The following DYM variants were observed in gnomAD, a reference collection of about 807,000 sequenced individuals.
DYM encodes dyggve-Melchior-Clausen syndrome protein.
DYM carries 78 observed loss-of-function variants against 93.1 expected under a neutral mutation model. The observed-to-expected ratio is 0.84, with a 90% CI of 0.70 to 1.01. The LOEUF (loss-of-function observed/expected upper bound fraction) is 1.01. DYM is among the 50% of genes least tolerant of loss of function. The pLI, the probability that DYM is intolerant of heterozygous loss-of-function variation, is 0.00. For synonymous variants in DYM, 321 were observed against 319.7 expected (o/e 1.00, Z -0.04); for missense variants, 789 against 845.0 (o/e 0.93, Z 0.82).
intron 2 of DYM, among the ~76,000 whole-genome samples, chr18:49,426,924 T>G (rs1224255427): frequency 2.6e-5 from 4 of 152,170 alleles, no homozygotes; most frequent in Non-Finnish European, 5.9e-5. Flanking sequence ...GTGCTTACCT[T>G]TAATTAGTAA....
intron 6 of DYM, among the ~76,000 whole-genome samples, chr18:49,355,190 AGATACAATT>A: frequency 6.6e-6 from 1 of 152,040 alleles, no homozygotes; most frequent in East Asian, 1.9e-4. Context: ...ATACATTGAT[AGATACAATT>A]GATACACTGA....
chr18:49,397,509 T>C (rs1457811404), intron 2 of DYM, among the ~76,000 whole-genome samples: 1 of 152,242 alleles, frequency 6.6e-6, no homozygotes, highest in African/African-American at 2.4e-5. Context: ...AAATTATGTT[T>C]TCTTTTTTAC....
intron 3 of DYM, among the ~76,000 whole-genome samples, chr18:49,390,308 TAGCCCCAGCTTCTGAGG>T (rs1217964240): frequency 2.0e-5 from 3 of 152,086 alleles, no homozygotes; most frequent in Non-Finnish European, 4.4e-5. Context: ...CATGCACCTA[TAGCCCCAGCTTCTGAGG>T]AGGCTGAGGT....
At chr18:49,344,643 A>G (rs1007415326) in intron 6 of DYM, among the ~76,000 whole-genome samples, 1 of 152,150 alleles carries the variant, frequency 6.6e-6, no homozygotes, top group South Asian at 2.1e-4. Context: ...ATAGGACTTC[A>G]TTAGTAACAT....
chr18:49,403,883 T>C (rs1322734120), intron 2 of DYM, among the ~76,000 whole-genome samples: 2 of 152,256 alleles, frequency 1.3e-5, no homozygotes, highest in African/African-American at 2.4e-5. Flanking sequence ...TAACGGCCTC[T>C]AGCTGCATCC....
chr18:49,380,790 A>G (rs1374539290), intron 3 of DYM, among the ~76,000 whole-genome samples: 2 of 152,238 alleles, frequency 1.3e-5, no homozygotes, highest in Non-Finnish European at 2.9e-5. Flanking sequence ...GCTTAAAGTC[A>G]ACAATATGTT....
intron 17 of DYM, among the ~76,000 whole-genome samples, chr18:49,080,023 T>C (rs1484250475): frequency 1.2e-4 from 16 of 137,200 alleles, no homozygotes; most frequent in African/African-American, 4.1e-4. Context: ...GGCGGCTGGC[T>C]GGGCAGAGGG....
intron 10 of DYM, among the ~76,000 whole-genome samples, chr18:49,280,931 CA>C (rs1166221804): frequency 1.3e-5 from 2 of 152,160 alleles, no homozygotes; most frequent in Non-Finnish European, 2.9e-5. Context: ...GCAATGGCAA[CA>C]AAAGCCAAAA....
chr18:49,322,505 A>C (rs1254326240), intron 8 of DYM, among the ~76,000 whole-genome samples: 1 of 152,082 alleles, frequency 6.6e-6, no homozygotes, highest in Non-Finnish European at 1.5e-5. Context: ...AATGAAAAAA[A>C]ATAAAATAAA....
intron 17 of DYM, among the ~76,000 whole-genome samples, chr18:49,078,730 G>A (rs766316751): frequency 2.6e-5 from 4 of 152,166 alleles, no homozygotes; most frequent in Admixed American, 6.5e-5. Flanking sequence ...AGGAAAGGGA[G>A]GAAGGGAAGA....
At chr18:49,136,494 T>C (rs1242226050) in intron 15 of DYM, among the ~76,000 whole-genome samples, 1 of 152,190 alleles carries the variant, frequency 6.6e-6, no homozygotes, top group East Asian at 1.9e-4. Flanking sequence ...AGGGTCTGAC[T>C]TAAAACGGCT....
intron 8 of DYM, among the ~76,000 whole-genome samples, chr18:49,314,290 A>T (rs1447289248): frequency 6.6e-6 from 1 of 152,204 alleles, no homozygotes; most frequent in African/African-American, 2.4e-5. Context: ...GTGCTGTAAG[A>T]GTCATCCAGG....
chr18:49,258,837 CACAG>C (rs1323238464), intron 11 of DYM, among the ~76,000 whole-genome samples: 141 of 138,114 alleles, frequency 1.0e-3, no homozygotes, highest in East Asian at 9.1e-3. Flanking sequence ...CACACACACA[CACAG>C]AGAGAGAGAG....
At chr18:49,145,672 T>A (rs1443805204) in intron 15 of DYM, among the ~76,000 whole-genome samples, 1 of 152,204 alleles carries the variant, frequency 6.6e-6, no homozygotes, top group Non-Finnish European at 1.5e-5. Context: ...GAGCTTCATA[T>A]GGAGATGTTT....
Position 49,220,599 on chromosome 18 carries a change from C to T in DYM, c.1461-10884G>A, listed in dbSNP as rs1360145856. On this transcript the variant is annotated intron_variant, in intron 13 of 17. Coordinates refer to ENST00000675505, the MANE Select transcript of DYM (RefSeq NM_001353214.3). ...AGAACAGAGCCCTCAGAAATAATGC[C>T]GCATATCTACAACTATCTGATCGTT... Among the ~76,000 whole-genome samples, 519 of 151,734 alleles carry T rather than the reference C, an allele frequency of 3.4e-3. 4 individuals are homozygous for T. Among genetic ancestry groups the T allele is most frequent in the African/African-American group, 0.011 (473 of 41,330 alleles).
intron 1 of DYM, among the ~76,000 whole-genome samples, chr18:49,454,188 C>G (rs1048962762): frequency 3.9e-5 from 6 of 152,184 alleles, no homozygotes; most frequent in East Asian, 3.9e-4. Flanking sequence ...CCCAACACCC[C>G]CTAACAGCAG....
intron 13 of DYM, among the ~76,000 whole-genome samples, chr18:49,216,649 G>A (rs181407717): frequency 3.9e-5 from 6 of 152,316 alleles, no homozygotes; most frequent in African/African-American, 1.4e-4. Flanking sequence ...AACAGGGTCT[G>A]GAGTGGACCT....
At chr18:49,383,813 G>A (rs2068286826) in intron 3 of DYM, among the ~76,000 whole-genome samples, 1 of 152,142 alleles carries the variant, frequency 6.6e-6, no homozygotes, top group Non-Finnish European at 1.5e-5. Flanking sequence ...TAATATAGTA[G>A]GTGCTCCATA....
At chr18:49,255,094 T>C (rs181554809) in intron 13 of DYM, among the ~76,000 whole-genome samples, 29 of 152,288 alleles carry the variant, frequency 1.9e-4, no homozygotes, top group Non-Finnish European at 4.1e-4. Context: ...ATGCAAAATA[T>C]CCTGTACTAA....
Sources: allele counts gnomAD v4.1 joint callset (sites outside exome capture counted in the v4.1 genomes callset), GRCh38; gene constraint gnomAD v4.1.1; transcripts MANE v1.5; gene names NCBI Gene and HGNC (gene_info 2026-07-23, HGNC 2026-07-21).